The following JAK1 variants were observed in gnomAD, a reference collection of about 807,000 sequenced individuals.
The protein encoded by JAK1 is tyrosine-protein kinase JAK1.
JAK1 carries 16 observed loss-of-function variants against 136.6 expected under a neutral mutation model. The observed-to-expected ratio is 0.12, with a 90% CI of 0.08 to 0.18. The LOEUF is 0.18. Ranked by LOEUF, JAK1 falls within the 10% of genes least tolerant of loss-of-function variation. The pLI is 1.00. For synonymous variants in JAK1, 492 were observed against 519.5 expected (o/e 0.95, Z 0.72); for missense variants, 859 against 1,450.1 (o/e 0.59, Z 6.62).
At chr1:65,039,428 T>G (rs2100832061) in intron 2 of JAK1, among the ~76,000 whole-genome samples, 1 of 152,330 alleles carries the variant, frequency 6.6e-6, no homozygotes, top group Middle Eastern at 3.4e-3. Context: ...ATGTGTTATT[T>G]AGTCCTCACC....
In JAK1 at chr1:64,839,414, C is replaced by T. The variant is rs904886386; in HGVS notation, c.2842+189G>A. On this transcript the variant is annotated intron_variant, in intron 20 of 24. Transcript: ENST00000342505. The stretch of plus-strand genomic sequence containing the variant: ...CCCCTGGATGGAGGGGCCTGGGTGG[C>T]CTCCTCAGGAGCCCTGCAGCTGCTG... The T allele has an allele frequency of 1.2e-4, 55 of 442,488 alleles. 1 individual carries two copies. The South Asian group carries it at 1.4e-3, about 11-fold the overall frequency. 27.4% of individuals were successfully genotyped at this position (442,488 alleles called of 1,614,324 possible).
At chr1:64,978,367 A>G (rs1646514976) in intron 2 of JAK1, among the ~76,000 whole-genome samples, 2 of 152,228 alleles carry the variant, frequency 1.3e-5, no homozygotes, top group African/African-American at 4.8e-5. Flanking sequence ...TAGGATGTCA[A>G]TGTAGTAATG....
chr1:64,956,133 T>A (rs1343797646), intron 1 of JAK1, among the ~76,000 whole-genome samples: 1 of 152,266 alleles, frequency 6.6e-6, no homozygotes, highest in Non-Finnish European at 1.5e-5. Context: ...GCAGATTCAG[T>A]ACTTGTGACA....
chr1:64,928,406 C>T (rs1645619448), intron 1 of JAK1, among the ~76,000 whole-genome samples: 1 of 152,148 alleles, frequency 6.6e-6, no homozygotes, highest in African/African-American at 2.4e-5. Flanking sequence ...CCCAAAATCA[C>T]GCATTTCCCT....
chr1:64,835,461 T>A lies in JAK1; in HGVS notation c.3304A>T (p.Thr1102Ser). ...TCTTTTAACGTATTCACAAGTCTTG[T>A]GACTGTCATCTGGCCATGGGTTGGG... ...IGPTHGQMTV[T>S]RLVNTLKEGK... Residue 1102 changes from threonine (T) to serine (S), a missense_variant, in exon 24 of 25, where the codon ACA (threonine) becomes TCA (serine). Physicochemically the swap from Thr to Ser is moderately conservative, Grantham distance 58. Coordinates refer to ENST00000342505, the MANE Select transcript of JAK1 (RefSeq NM_002227.4). The A allele has an allele frequency of 1.2e-6, 2 of 1,609,192 alleles. No individual in the cohort carries two copies. Among genetic ancestry groups the A allele is most frequent in the Non-Finnish European group, 1.7e-6 (2 of 1,178,584 alleles).
chr1:65,014,172 T>C (rs1313583013), intron 2 of JAK1, among the ~76,000 whole-genome samples: 3 of 152,062 alleles, frequency 2.0e-5, no homozygotes, highest in Non-Finnish European at 1.5e-5. Context: ...TCATAGAAGA[T>C]AGAGTGAGAA....
In JAK1 at chr1:64,869,313, G is replaced by A. The variant is rs754144523; in HGVS notation, c.645C>T (p.Ile215=). The A allele has an allele frequency of 1.8e-5, 29 of 1,613,332 alleles. No homozygotes were observed. In the South Asian group the frequency reaches 3.2e-4, roughly 18 times the overall value. ...CTTCAGCCAGTGGGAAGCTTTACCT[G>A]ATGTCCTTGGGCAGTTCTGGCAACT... ...KMQLPELPKD[I]SYKRYIPETL... The change falls in exon 6 of 25, where the codon ATC becomes ATT. Residue 215 remains isoleucine, a splice_region_variant and synonymous_variant. Transcript: ENST00000342505.
chr1:65,058,431 G>A (rs1647645913), intron 1 of JAK1: 1 of 534,174 alleles, frequency 1.9e-6, no homozygotes, highest in South Asian at 1.4e-5. Context: ...AAGGTAAGAT[G>A]GCTGCCATCC....
intron 2 of JAK1, among the ~76,000 whole-genome samples, chr1:64,978,961 G>T (rs529511303): frequency 6.6e-6 from 1 of 151,910 alleles, no homozygotes; most frequent in Non-Finnish European, 1.5e-5. Context: ...TCAAAATTCC[G>T]TGCATCTTTA....
At chr1:64,864,509 C>G (rs1204076559) in intron 8 of JAK1, among the ~76,000 whole-genome samples, 1 of 152,174 alleles carries the variant, frequency 6.6e-6, no homozygotes, top group Non-Finnish European at 1.5e-5. Context: ...AATCCACTAG[C>G]TTTGTGAATT....
chr1:65,028,485 G>A (rs148504224), intron 2 of JAK1, among the ~76,000 whole-genome samples: 14 of 118,236 alleles, frequency 1.2e-4, no homozygotes, highest in African/African-American at 4.1e-4. Context: ...GGAAGGAAGG[G>A]AGGGAGGGAG....
intron 1 of JAK1, chr1:65,058,472 TAGAC>T (rs1271717149): frequency 3.7e-6 from 2 of 534,092 alleles, no homozygotes; most frequent in Non-Finnish European, 7.7e-6. Context: ...ACCTTTAGAA[TAGAC>T]AGCATCAGCA....
chr1:64,979,025 T>A (rs940441545), intron 2 of JAK1, among the ~76,000 whole-genome samples: 1 of 152,206 alleles, frequency 6.6e-6, no homozygotes, highest in African/African-American at 2.4e-5. Flanking sequence ...AAATCATGTA[T>A]GCATTTGACA....
At chr1:65,044,336 T>C (rs1285726313) in intron 2 of JAK1, among the ~76,000 whole-genome samples, 2 of 152,134 alleles carry the variant, frequency 1.3e-5, no homozygotes, top group African/African-American at 4.8e-5. Context: ...GAGCTTTAGG[T>C]CAGATGTTTT....
In JAK1 at chr1:64,879,084, A is replaced by T. The variant is rs1259782342; in HGVS notation, c.270T>A (p.Ala90=). ...CATCAACGGTGATGGTGCGATTTGGAGCATACCAGAGCTTGGTGTTCTCGT... is the reference window on the plus strand; with the variant it reads ...CATCAACGGTGATGGTGCGATTTGGTGCATACCAGAGCTTGGTGTTCTCGT... The part of the protein sequence containing the change: ...LYDENTKLWY[A]PNRTITVDDK... The change falls in exon 4 of 25, where the codon GCT becomes GCA. Residue 90 remains alanine (A), a synonymous_variant. Coordinates refer to ENST00000342505, the MANE Select transcript of JAK1 (RefSeq NM_002227.4). The T allele has an allele frequency of 1.2e-6, 2 of 1,613,978 alleles. No homozygotes were observed. Among genetic ancestry groups the T allele is most frequent in the Non-Finnish European group, 1.7e-6 (2 of 1,179,934 alleles).
intron 2 of JAK1, among the ~76,000 whole-genome samples, chr1:65,005,486 G>T (rs1646796799): frequency 6.6e-6 from 1 of 152,140 alleles, no homozygotes. Flanking sequence ...TAGCACTATA[G>T]GGTGCATACG....
At chr1:65,021,950 G>A (rs1646941398) in intron 2 of JAK1, among the ~76,000 whole-genome samples, 1 of 152,276 alleles carries the variant, frequency 6.6e-6, no homozygotes, top group East Asian at 1.9e-4. Context: ...GTACAGCTGT[G>A]TCTTATCACT....
intron 2 of JAK1, among the ~76,000 whole-genome samples, chr1:65,008,038 C>A (rs1646818293): frequency 6.6e-6 from 1 of 152,238 alleles, no homozygotes; most frequent in Non-Finnish European, 1.5e-5. Context: ...AGCCACCATG[C>A]CTGGCCTCTT....
chr1:64,846,656 G>C lies in JAK1; in HGVS notation c.1980C>G (p.Asp660Glu), dbSNP rs375879043. Residue 660 changes from aspartate to glutamate, a missense_variant, in exon 14 of 25, where the codon GAC becomes GAG. Around this residue, in one of 4 missense-constraint regions of JAK1, gnomAD observed 409 missense variants for 753.8 expected, o/e 0.54. Coordinates refer to ENST00000342505, the MANE Select transcript of JAK1 (RefSeq NM_002227.4). The part of the protein sequence containing the change: ...IVYLYGVCVR[D>E]VENIMVEEFV... ...GAAAGAGAACACACTTACTCTCCAC[G>C]TCGCGGACACAGACGCCATAGAGGT... The C allele has an allele frequency of 1.9e-6, 3 of 1,613,234 alleles. No individual in the cohort carries two copies. The highest frequency in any genetic ancestry group is 2.5e-6 in the Non-Finnish European group (3 of 1,179,340).
Sources: allele counts gnomAD v4.1 joint callset (sites outside exome capture counted in the v4.1 genomes callset), GRCh38; gene constraint gnomAD v4.1.1; regional missense constraint gnomAD v4.1.1; transcripts MANE v1.5; gene names NCBI Gene and HGNC (gene_info 2026-07-23, HGNC 2026-07-21).